IP6K1: variants seen among roughly 807,000 people sequenced by gnomAD.
The protein encoded by IP6K1 is ATP:1D-myo-inositol-hexakisphosphate phosphotransferase.
In IP6K1, 13 loss-of-function variants were observed where a neutral mutation model predicts 38.3. The observed-to-expected ratio is 0.34, with a 90% CI of 0.22 to 0.54. The LOEUF is 0.54. IP6K1 is among the 20% of genes least tolerant of loss of function. The pLI is 0.92. For synonymous variants in IP6K1, 212 were observed against 229.9 expected (o/e 0.92, Z 0.70); for missense variants, 397 against 599.8 (o/e 0.66, Z 3.53).
intron 2 of IP6K1, among the ~76,000 whole-genome samples, chr3:49,745,816 T>C (rs1472999680): frequency 7.0e-6 from 1 of 142,468 alleles, no homozygotes; most frequent in Admixed American, 7.4e-5. Context: ...ATCGTGCCAC[T>C]GCACTCCAGC....
intron 1 of IP6K1, among the ~76,000 whole-genome samples, chr3:49,762,634 C>T (rs1267229092): frequency 6.6e-6 from 1 of 151,982 alleles, no homozygotes; most frequent in African/African-American, 2.4e-5. Flanking sequence ...AATCTTTCCA[C>T]GAAGAAAACT....
chr3:49,770,275 C>T (rs912286546), intron 1 of IP6K1, among the ~76,000 whole-genome samples: 1 of 152,172 alleles, frequency 6.6e-6, no homozygotes, highest in South Asian at 2.1e-4. Flanking sequence ...ATAGATAATA[C>T]ACAAGTCTTT....
chr3:49,783,101 CAG>C (rs1464251723), intron 1 of IP6K1, among the ~76,000 whole-genome samples: 2 of 145,110 alleles, frequency 1.4e-5, no homozygotes, highest in East Asian at 4.2e-4. Context: ...GCCTGGGCGA[CAG>C]AGTGAGACTC....
Position 49,744,556 on chromosome 3 carries a change from C to T in IP6K1, c.223+3262G>A, listed in dbSNP as rs189447793. On this transcript the variant is annotated intron_variant, in intron 2 of 5. Coordinates refer to ENST00000321599, the MANE Select transcript of IP6K1 (RefSeq NM_153273.4). ...TTCAATTCCTTTAAAGTTAGCTCTT[C>T]GTACTTCTGACATGATTTTTGACCA... Among the ~76,000 whole-genome samples, 474 of 151,916 alleles carry T rather than the reference C, an allele frequency of 3.1e-3. 1 individual carries two copies. The highest frequency in any genetic ancestry group is 5.2e-3 in the Admixed American group (80 of 15,252).
rs376166549 is a variant in IP6K1, at chr3:49,753,506, C to G, written c.-128-5338G>C. On this transcript the variant is annotated intron_variant, in intron 1 of 5. Transcript: ENST00000321599. ...ATACTTTACTTACTGATAATGTCTA[C>G]TGTTTATTATTTATGATGATGATGT... is the stretch of plus-strand genomic sequence containing the variant. Among the ~76,000 whole-genome samples, 414 of 152,228 alleles carry G rather than the reference C, an allele frequency of 2.7e-3. 15 individuals carry two copies. In the South Asian group the frequency reaches 0.081, roughly 30 times the overall value.
chr3:49,762,138 G>C (rs1487851472), intron 1 of IP6K1, among the ~76,000 whole-genome samples: 1 of 152,118 alleles, frequency 6.6e-6, no homozygotes, highest in Non-Finnish European at 1.5e-5. Context: ...TTTTTGTAAA[G>C]ACAGGATTTC....
Position 49,747,897 on chromosome 3 carries a change from GCA to G in IP6K1, c.142_143del (p.Cys48GlnfsTer24). 1 of 1,614,216 alleles carries G rather than the reference GCA, an allele frequency of 6.2e-7. No individual in the cohort carries two copies. The highest frequency in any genetic ancestry group is 8.5e-7 in the Non-Finnish European group (1 of 1,180,036). ...GCTGTTCCCGGGAGATGAGGGGCTT[GCA>G]CACAGTGTGATCGTCGTAACGCATC... is the stretch of plus-strand genomic sequence containing the variant. ...SMMRYDDHTV[C>X]KPLISREQRF... On this transcript the variant is annotated frameshift_variant, in exon 2 of 6. Coordinates refer to ENST00000321599, the MANE Select transcript of IP6K1 (RefSeq NM_153273.4). LOFTEE classifies it high-confidence loss of function.
chr3:49,776,664 T>G (rs2081011262), intron 1 of IP6K1, among the ~76,000 whole-genome samples: 1 of 152,152 alleles, frequency 6.6e-6, no homozygotes, highest in South Asian at 2.1e-4. Flanking sequence ...CTCAAAATTT[T>G]TGTCACTCTG....
At chr3:49,739,355 C>CT (rs778966835) in intron 2 of IP6K1, among the ~76,000 whole-genome samples, 71,285 of 135,542 alleles carry the variant, frequency 0.53, 19,405 homozygotes, top group East Asian at 0.82. Flanking sequence ...GCTTAAAGTT[C>CT]TTTTTTTTTT....
At chr3:49,746,294 A>C (rs1261238969) in intron 2 of IP6K1, among the ~76,000 whole-genome samples, 5 of 151,470 alleles carry the variant, frequency 3.3e-5, no homozygotes, top group African/African-American at 4.9e-5. Flanking sequence ...CAAAAGGTGG[A>C]AACAACCCAG....
intron 3 of IP6K1, among the ~76,000 whole-genome samples, chr3:49,736,909 C>T (rs553157016): frequency 2.3e-4 from 35 of 151,406 alleles, no homozygotes; most frequent in African/African-American, 7.5e-4. Context: ...GTAGCTGGGA[C>T]TACAGGTGCC....
chr3:49,767,678 G>A (rs573273732), intron 1 of IP6K1, among the ~76,000 whole-genome samples: 1 of 152,210 alleles, frequency 6.6e-6, no homozygotes, highest in South Asian at 2.1e-4. Flanking sequence ...GGCTGATGCA[G>A]GTGGATCACT....
At chr3:49,742,346 G>A (rs912818351) in intron 2 of IP6K1, among the ~76,000 whole-genome samples, 19 of 151,810 alleles carry the variant, frequency 1.3e-4, no homozygotes, top group African/African-American at 4.1e-4. Context: ...TCAGGAGATT[G>A]AGACCATCCT....
chr3:49,770,536 G>A (rs1031893029), intron 1 of IP6K1, among the ~76,000 whole-genome samples: 11 of 152,184 alleles, frequency 7.2e-5, no homozygotes, highest in African/African-American at 1.7e-4. Flanking sequence ...TCTTAGCTAC[G>A]CGGGAGGCTG....
chr3:49,764,161 C>G (rs2080889055), intron 1 of IP6K1, among the ~76,000 whole-genome samples: 2 of 151,848 alleles, frequency 1.3e-5, no homozygotes, highest in Admixed American at 6.6e-5. Flanking sequence ...GTGAGAGGAT[C>G]ACTTGAGCCC....
chr3:49,767,480 T>TA (rs1475269332), intron 1 of IP6K1, among the ~76,000 whole-genome samples: 1 of 151,908 alleles, frequency 6.6e-6, no homozygotes, highest in Admixed American at 6.6e-5. Context: ...CTCGGGGGGC[T>TA]AAAACAGGAG....
At chr3:49,731,582 A>G (rs1057410798) in intron 4 of IP6K1, among the ~76,000 whole-genome samples, 2 of 152,168 alleles carry the variant, frequency 1.3e-5, no homozygotes, top group East Asian at 1.9e-4. Flanking sequence ...TTCCTCATCT[A>G]TAACATGGGA....
At chr3:49,758,880 G>T (rs1271733792) in intron 1 of IP6K1, among the ~76,000 whole-genome samples, 1 of 151,850 alleles carries the variant, frequency 6.6e-6, no homozygotes, top group Non-Finnish European at 1.5e-5. Flanking sequence ...AGAATCGCTT[G>T]AACCCAGGAG....
chr3:49,778,648 T>C (rs969336271), intron 1 of IP6K1, among the ~76,000 whole-genome samples: 1 of 151,158 alleles, frequency 6.6e-6, no homozygotes, highest in African/African-American at 2.4e-5. Flanking sequence ...AAAAAAAAGA[T>C]AGGGTCCCAC....
Sources: allele counts gnomAD v4.1 joint callset (sites outside exome capture counted in the v4.1 genomes callset), GRCh38; gene constraint gnomAD v4.1.1; transcripts MANE v1.5; gene names NCBI Gene and HGNC (gene_info 2026-07-23, HGNC 2026-07-21).